The following GAB2 variants were observed in gnomAD, a reference collection of about 807,000 sequenced individuals.
The protein encoded by GAB2 is GRB2-associated-binding protein 2.
A neutral mutation model predicts 65.5 loss-of-function variants in GAB2; 26 were observed. That is an observed-to-expected ratio of 0.40 (90% confidence interval 0.29 to 0.55). The LOEUF is 0.55. GAB2 is among the 20% of genes least tolerant of loss of function. The pLI is 0.53. For missense variants in GAB2, 884 were observed against 875.8 expected (o/e 1.01, Z -0.12); for synonymous variants, 321 against 329.6 (o/e 0.97, Z 0.28).
intron 1 of GAB2, among the ~76,000 whole-genome samples, chr11:78,310,073 C>A (rs561868754): frequency 8.6e-5 from 13 of 151,878 alleles, no homozygotes; most frequent in African/African-American, 2.9e-4. Flanking sequence ...GGTATATTAA[C>A]CTCAAACCAT....
At chr11:78,311,457 A>G (rs773572161) in intron 1 of GAB2, among the ~76,000 whole-genome samples, 33 of 152,068 alleles carry the variant, frequency 2.2e-4, no homozygotes, top group Non-Finnish European at 4.4e-4. Context: ...ATAAAGTTCT[A>G]TTACAGAAAA....
intron 1 of GAB2, among the ~76,000 whole-genome samples, chr11:78,326,455 A>C (rs1405497343): frequency 6.6e-6 from 1 of 152,092 alleles, no homozygotes; most frequent in Non-Finnish European, 1.5e-5. Flanking sequence ...ATAACAGTAA[A>C]CCCTACTGAA....
chr11:78,256,383 G>A (rs1227559830), intron 2 of GAB2, among the ~76,000 whole-genome samples: 1 of 152,178 alleles, frequency 6.6e-6, no homozygotes, highest in African/African-American at 2.4e-5. Flanking sequence ...GGGTGATTGT[G>A]GAAAGGAAGG....
intron 1 of GAB2, among the ~76,000 whole-genome samples, chr11:78,375,144 A>C (rs1856617227): frequency 6.6e-6 from 1 of 152,198 alleles, no homozygotes; most frequent in African/African-American, 2.4e-5. Context: ...TCCTGGGCTC[A>C]AGCAATCCTC....
intron 2 of GAB2, among the ~76,000 whole-genome samples, chr11:78,262,606 C>CT (rs1317788220): frequency 1.3e-5 from 2 of 152,258 alleles, no homozygotes. Context: ...GCTGGCAGCT[C>CT]TTTCTCAGCC....
At chr11:78,327,144 T>TG (rs1320493407) in intron 1 of GAB2, among the ~76,000 whole-genome samples, 1 of 152,196 alleles carries the variant, frequency 6.6e-6, no homozygotes, top group Non-Finnish European at 1.5e-5. Flanking sequence ...GGGTATACAG[T>TG]GGGAACTCAA....
intron 1 of GAB2, among the ~76,000 whole-genome samples, chr11:78,346,120 T>TA (rs1439680210): frequency 1.3e-5 from 2 of 152,188 alleles, no homozygotes; most frequent in Non-Finnish European, 2.9e-5. Flanking sequence ...TCGACAGCTG[T>TA]AAAAAATTAA....
At chr11:78,396,286 A>G (rs899769431) in intron 1 of GAB2, among the ~76,000 whole-genome samples, 2 of 152,268 alleles carry the variant, frequency 1.3e-5, no homozygotes, top group Admixed American at 1.3e-4. Flanking sequence ...AAGAAGTGCT[A>G]TATTCACATC....
chr11:78,245,546 T>G (rs1400419851), intron 3 of GAB2, among the ~76,000 whole-genome samples: 2 of 152,068 alleles, frequency 1.3e-5, no homozygotes, highest in African/African-American at 4.8e-5. Context: ...GCTGGGAAAA[T>G]TTCTCACCAG....
chr11:78,329,106 A>G (rs1855872990), intron 1 of GAB2, among the ~76,000 whole-genome samples: 1 of 152,242 alleles, frequency 6.6e-6, no homozygotes, highest in African/African-American at 2.4e-5. Context: ...AGCATAGTAA[A>G]ATATTAATGA....
intron 1 of GAB2, among the ~76,000 whole-genome samples, chr11:78,340,586 C>T (rs1856074503): frequency 6.7e-6 from 1 of 148,272 alleles, no homozygotes; most frequent in African/African-American, 2.5e-5. Context: ...CATCTGGGAA[C>T]CCTGGAAAAG....
chr11:78,309,971 T>TGTGTGCGCGCGC (rs1421836447), intron 1 of GAB2, among the ~76,000 whole-genome samples: 1 of 120,090 alleles, frequency 8.3e-6, no homozygotes, highest in African/African-American at 3.6e-5. Flanking sequence ...TGTGTGTGTG[T>TGTGTGCGCGCGC]GCGCGCGCGC....
At chr11:78,378,697 C>T (rs1342116094) in intron 1 of GAB2, among the ~76,000 whole-genome samples, 1 of 152,118 alleles carries the variant, frequency 6.6e-6, no homozygotes, top group African/African-American at 2.4e-5. Context: ...AGTCTTAATG[C>T]TCAGGCTTGT....
chr11:78,223,832 G>T lies in GAB2; in HGVS notation c.1303-156C>A, dbSNP rs374478849. Among the ~76,000 whole-genome samples, 3 of 152,166 alleles carry T rather than the reference G, an allele frequency of 2.0e-5. No homozygotes were observed. The South Asian group carries it at 6.2e-4, about 32-fold the overall frequency. On this transcript the variant is annotated intron_variant, in intron 5 of 9. Transcript: ENST00000361507. ...CTTGGGGAGACCAAATAAGAAAGCA[G>T]AGTAGTGGGAGGCTGAGGCAGGTGG...
At chr11:78,364,856 T>C (rs891132073) in intron 1 of GAB2, among the ~76,000 whole-genome samples, 1 of 152,194 alleles carries the variant, frequency 6.6e-6, no homozygotes, top group African/African-American at 2.4e-5. Flanking sequence ...TTTGGACATA[T>C]GTAATGTTGG....
chr11:78,306,086 A>G (rs913069973), intron 1 of GAB2, among the ~76,000 whole-genome samples: 2 of 152,188 alleles, frequency 1.3e-5, no homozygotes, highest in African/African-American at 4.8e-5. Context: ...CCTGCCCTAT[A>G]CCTAGAAATT....
chr11:78,408,144 T>C (rs955750152), intron 1 of GAB2, among the ~76,000 whole-genome samples: 3 of 152,210 alleles, frequency 2.0e-5, no homozygotes, highest in Non-Finnish European at 4.4e-5. Flanking sequence ...TAAATAGTCT[T>C]TCCTTCTGAG....
chr11:78,381,166 C>T (rs1412543724), intron 1 of GAB2, among the ~76,000 whole-genome samples: 1 of 152,204 alleles, frequency 6.6e-6, no homozygotes, highest in Non-Finnish European at 1.5e-5. Flanking sequence ...CTTTTCACTT[C>T]TGTGCCTTTA....
chr11:78,389,725 A>T (rs1011908664), intron 1 of GAB2, among the ~76,000 whole-genome samples: 5 of 152,164 alleles, frequency 3.3e-5, no homozygotes, highest in Non-Finnish European at 7.3e-5. Flanking sequence ...ATGGTATGTG[A>T]ATTACATCCC....
Sources: gnomAD v4.1 joint callset for allele counts (sites outside exome capture counted in the v4.1 genomes callset) on GRCh38, gnomAD v4.1.1 for gene constraint, MANE v1.5 for transcripts, NCBI Gene and HGNC (gene_info 2026-07-23, HGNC 2026-07-21) for gene names.